The following RBBP4 variants were observed in gnomAD, a reference collection of about 807,000 sequenced individuals.
RBBP4 encodes the protein histone-binding protein RBBP4.
RBBP4 carries 3 observed loss-of-function variants against 57.2 expected under a neutral mutation model. The ratio of observed to expected loss-of-function variants is 0.05; its 90% CI spans 0.02 to 0.14. The LOEUF (loss-of-function observed/expected upper bound fraction) is 0.14. Among genes scored for constraint, RBBP4 ranks in the 10% least tolerant of loss-of-function variants. The probability of loss-of-function intolerance (pLI) is 1.00; values close to 1 mark genes in which losing one functional copy is unlikely to be tolerated. For synonymous variants in RBBP4, 151 were observed against 171.5 expected, an observed-to-expected ratio of 0.88 and a Z score of 0.93; for missense variants, 107 against 520.6, an observed-to-expected ratio of 0.21 and a Z score of 7.73.
chr1:32,661,301 C>CTTTTTTTTTTTTTTTTTTTTTTTTT lies in RBBP4; in HGVS notation c.310+3729_310+3730insTTTTTTTTTTTTTTTTTTTTTTTTT. ...TTGAATGGTAGTTCTATTTTTAGTTCCTTTTTTTTTTTTTTTGAGATGGAG... is the reference window on the plus strand; with the variant it reads ...TTGAATGGTAGTTCTATTTTTAGTTCTTTTTTTTTTTTTTTTTTTTTTTTTCTTTTTTTTTTTTTTTGAGATGGAG... On this transcript the variant is annotated intron_variant, in intron 3 of 11. Transcript: ENST00000373493. Among the ~76,000 whole-genome samples, 2 of 132,106 alleles carry CTTTTTTTTTTTTTTTTTTTTTTTTT rather than the reference C, an allele frequency of 1.5e-5. 1 individual carries two copies. Among genetic ancestry groups the CTTTTTTTTTTTTTTTTTTTTTTTTT allele is most frequent in the Non-Finnish European group, 3.1e-5 (2 of 64,962 alleles). 86.7% of individuals were successfully genotyped at this position (132,106 alleles called of 152,430 possible).
rs146987393 is a variant in RBBP4 at position 32,654,618 on chromosome 1, A to G, written c.164+2557A>G. On this transcript the variant is annotated intron_variant, in intron 2 of 11. Transcript: ENST00000373493. ...AAAGACTTAATTCCCCAAGGCTGAA[A>G]TCTGTACTGTCATCTTAGTAGTTTT... Among the ~76,000 whole-genome samples the G allele has an allele frequency of 7.4e-3, 1,120 of 152,348 alleles. 17 individuals carry two copies. Among genetic ancestry groups the G allele is most frequent in the African/African-American group, 0.026 (1,069 of 41,576 alleles).
intron 8 of RBBP4, among the ~76,000 whole-genome samples, chr1:32,670,509 G>A (rs1471685249): frequency 2.0e-5 from 3 of 152,206 alleles, no homozygotes; most frequent in Middle Eastern, 3.4e-3. Context: ...TTGTTGCTAC[G>A]GCACTATGAA....
At chr1:32,670,575 TTAA>T (rs1466454943) in intron 8 of RBBP4, among the ~76,000 whole-genome samples, 1 of 151,734 alleles carries the variant, frequency 6.6e-6, no homozygotes, top group Non-Finnish European at 1.5e-5. Context: ...TTATTTTTTT[TTAA>T]TTAATTTTTT....
At chr1:32,672,721 G>GTACTGAA in intron 10 of RBBP4, 22 bp downstream of exon 10, 1 of 1,611,468 alleles carries the variant, frequency 6.2e-7, no homozygotes, top group Non-Finnish European at 8.5e-7. Context: ...GCATTGGACA[G>GTACTGAA]TACTGAAATA....
intron 8 of RBBP4, among the ~76,000 whole-genome samples, chr1:32,670,526 C>T (rs921505804): frequency 2.6e-5 from 4 of 152,138 alleles, no homozygotes; most frequent in Middle Eastern, 3.4e-3. Flanking sequence ...TGAAAGATTA[C>T]GTTATGTAGC....
At chr1:32,672,992 C>A in intron 11 of RBBP4, 91 bp downstream of exon 11, 2 of 1,062,058 alleles carry the variant, frequency 1.9e-6, no homozygotes, top group African/African-American at 1.6e-5. Context: ...CAGCTACCAT[C>A]TCTGTTCATT....
Position 32,680,822 on chromosome 1 carries a change from G to T in RBBP4, c.*1117G>T. 2.6e-6 allele frequency: 1 copy of T among 388,998 alleles called. No individual in the cohort carries two copies. Among genetic ancestry groups the T allele is most frequent in the Non-Finnish European group, 4.6e-6 (1 of 215,870 alleles). 24.1% of individuals were successfully genotyped at this position (388,998 alleles called of 1,614,324 possible). A position where few individuals can be genotyped will look rare whatever the true frequency, so the allele number is the denominator to read the frequency against. ...AGAAAAGAACTTTACTCCTTCCCAG[G>T]GAAAGTGAAAGACATAAAACACTGA... On this transcript the variant is annotated 3_prime_UTR_variant, in exon 12 of 12. Coordinates refer to ENST00000373493, the MANE Select transcript of RBBP4 (RefSeq NM_005610.3).
intron 3 of RBBP4, among the ~76,000 whole-genome samples, chr1:32,659,740 T>G (rs1448717444): frequency 1.3e-5 from 2 of 152,212 alleles, no homozygotes; most frequent in Non-Finnish European, 2.9e-5. Context: ...TTTGCTTTTA[T>G]GGCCTAATAT....
At position 32,658,944 on chromosome 1, in the gene RBBP4, AACAT is replaced by A. The variant is rs1251041176; in HGVS notation, c.310+1375_310+1378del. ...AATATAAATGTTATATTTATATATA[AACAT>A]ACGTATATATGTATGTATATGTAAA... On this transcript the variant is annotated intron_variant, in intron 3 of 11. Coordinates refer to ENST00000373493, the MANE Select transcript of RBBP4 (RefSeq NM_005610.3). Among the ~76,000 whole-genome samples the A allele has an allele frequency of 2.9e-4, 10 of 34,884 alleles. No homozygotes were observed. The East Asian group carries it at 4.5e-3, about 16-fold the overall frequency. 22.9% of individuals were successfully genotyped at this position (34,884 alleles called of 152,430 possible).
chr1:32,664,662 A>G (rs1648569076), intron 3 of RBBP4, among the ~76,000 whole-genome samples: 1 of 152,086 alleles, frequency 6.6e-6, no homozygotes, highest in African/African-American at 2.4e-5. Flanking sequence ...CATATTGGCC[A>G]TGCTGATCTC....
At chr1:32,662,028 G>T (rs188985520) in intron 3 of RBBP4, among the ~76,000 whole-genome samples, 50 of 151,122 alleles carry the variant, frequency 3.3e-4, no homozygotes, top group Non-Finnish European at 5.9e-4. Context: ...TGGGACTACA[G>T]GTCTGTGCCA....
At chr1:32,671,124 C>CT (rs1437802011) in intron 8 of RBBP4, among the ~76,000 whole-genome samples, 1 of 152,096 alleles carries the variant, frequency 6.6e-6, no homozygotes, top group Non-Finnish European at 1.5e-5. Flanking sequence ...TTGTCTGACT[C>CT]TTTAATAAAA....
intron 2 of RBBP4, among the ~76,000 whole-genome samples, chr1:32,655,332 G>A (rs1357510445): frequency 1.3e-5 from 2 of 152,080 alleles, no homozygotes; most frequent in East Asian, 3.9e-4. Context: ...CTGATGCAGT[G>A]TTTACTTTTG....
intron 3 of RBBP4, among the ~76,000 whole-genome samples, chr1:32,664,623 T>G (rs1341858889): frequency 6.6e-6 from 1 of 152,082 alleles, no homozygotes; most frequent in African/African-American, 2.4e-5. Context: ...CAGCTAATTT[T>G]TGTATTTTTA....
chr1:32,683,864 TCCAG>T lies in RBBP4; in HGVS notation c.*4160_*4163del. On this transcript the variant is annotated 3_prime_UTR_variant, in exon 12 of 12. Transcript: ENST00000373493. Reference sequence around the variant, plus strand: ...GCCAGGCTGGTCTTGAACTCCTGACTCCAGGTGATCCACCCTCCTCAGCCTCCCA... The same window carrying T: ...GCCAGGCTGGTCTTGAACTCCTGACTGTGATCCACCCTCCTCAGCCTCCCA... 5 of 709,598 alleles carry T rather than the reference TCCAG, an allele frequency of 7.0e-6. No homozygotes were observed. The highest frequency in any genetic ancestry group is 1.8e-5 in the South Asian group (1 of 55,968). The allele number at this position is 709,598 out of a possible 1,614,324, so 44.0% of individuals were successfully genotyped here. A position where few individuals can be genotyped will look rare whatever the true frequency, so the allele number is the denominator to read the frequency against.
In RBBP4 at chr1:32,683,803, T is replaced by C; in HGVS notation, c.*4098T>C. On this transcript the variant is annotated 3_prime_UTR_variant, in exon 12 of 12. Coordinates refer to ENST00000373493, the MANE Select transcript of RBBP4 (RefSeq NM_005610.3). ...GCCTGCCACTATGCCCGGCTAATTTTTGTATTTTTAGTGGAGATGGAGTTT... is the reference window on the plus strand; with the variant it reads ...GCCTGCCACTATGCCCGGCTAATTTCTGTATTTTTAGTGGAGATGGAGTTT... 1.9e-6 allele frequency: 1 copy of C among 539,028 alleles called. No individual in the cohort carries two copies. Among genetic ancestry groups the C allele is most frequent in the East Asian group, 3.4e-5 (1 of 29,708 alleles). The allele number at this position is 539,028 out of a possible 1,614,324, so 33.4% of individuals were successfully genotyped here.
rs1030644845 is a variant in RBBP4 at position 32,679,865 on chromosome 1, A to C, written c.*160A>C. The C allele has an allele frequency of 1.5e-6, 2 of 1,315,458 alleles. No homozygotes were observed. Among genetic ancestry groups the C allele is most frequent in the Non-Finnish European group, 1.9e-6 (2 of 1,037,858 alleles). 81.5% of individuals were successfully genotyped at this position (1,315,458 alleles called of 1,614,324 possible). A position where few individuals can be genotyped will look rare whatever the true frequency, so the allele number is the denominator to read the frequency against. On this transcript the variant is annotated 3_prime_UTR_variant, in exon 12 of 12. Transcript: ENST00000373493. ...CCCAAACCGTGGGTGTTTTCTAAAT[A>C]TTAATAGGGGGGCTTGATTCAACAA... is the stretch of plus-strand genomic sequence containing the variant.
intron 11 of RBBP4, 108 bp downstream of exon 11, chr1:32,673,009 C>A: frequency 1.1e-6 from 1 of 876,928 alleles, no homozygotes; most frequent in Non-Finnish European, 1.8e-6. Flanking sequence ...CATTTTACTC[C>A]CAGGTGTGAT....
rs192422111 is a variant in RBBP4 at position 32,673,638 on chromosome 1, A to G, written c.1212+737A>G. Reference sequence around the variant, plus strand: ...TATTTTCAGTAGAGACGGTTTCACTATGTTGGCCAGGCTGGTCTCAAACTC... The same window carrying G: ...TATTTTCAGTAGAGACGGTTTCACTGTGTTGGCCAGGCTGGTCTCAAACTC... On this transcript the variant is annotated intron_variant, in intron 11 of 11. Coordinates refer to ENST00000373493, the MANE Select transcript of RBBP4 (RefSeq NM_005610.3). The G allele has an allele frequency of 1.8e-3, 449 of 252,290 alleles. 2 individuals are homozygous for G. The highest frequency in any genetic ancestry group is 0.01 in the African/African-American group (425 of 42,156). 15.6% of individuals were successfully genotyped at this position (252,290 alleles called of 1,614,324 possible). A position where few individuals can be genotyped will look rare whatever the true frequency, so the allele number is the denominator to read the frequency against.
Sources: gnomAD v4.1 joint callset for allele counts (sites outside exome capture counted in the v4.1 genomes callset) on GRCh38, gnomAD v4.1.1 for gene constraint, MANE v1.5 for transcripts, NCBI Gene and HGNC (gene_info 2026-07-23, HGNC 2026-07-21) for gene names.